The following TMPO variants were observed in gnomAD, a reference collection of about 807,000 sequenced individuals.
The protein encoded by TMPO is thymopoietin.
Under a neutral mutation model 45.4 loss-of-function variants are expected in TMPO, and 22 were observed. The ratio of observed to expected loss-of-function variants is 0.48; its 90% confidence interval spans 0.35 to 0.69. TMPO has a LOEUF of 0.69. TMPO is among the 30% of genes least tolerant of loss of function. The probability of loss-of-function intolerance (pLI) is 0.01; values close to 1 mark genes in which losing one functional copy is unlikely to be tolerated. For synonymous variants in TMPO, 241 were observed against 204.1 expected (o/e 1.18, Z -1.54); for missense variants, 512 against 548.8 (o/e 0.93, Z 0.67).
chr12:98,533,120 T>G, intron 3 of TMPO: 1 of 1,614,156 alleles, frequency 6.2e-7, no homozygotes, highest in Non-Finnish European at 8.5e-7. Flanking sequence ...GATAGGTGTT[T>G]AGAGAAAAGT....
At chr12:98,537,396 G>A (rs1477501560) in intron 3 of TMPO, 79 bp from the exon 4 acceptor site, 8 of 1,228,234 alleles carry the variant, frequency 6.5e-6, no homozygotes, top group Admixed American at 1.9e-5. Context: ...TAAAACCAGG[G>A]TTCCCGATTA....
intron 2 of TMPO, 27 bp from the exon 3 acceptor site, chr12:98,531,653 A>G (rs1380867759): frequency 5.6e-6 from 9 of 1,611,250 alleles, no homozygotes; most frequent in Admixed American, 1.7e-5. Context: ...CAATACAGGT[A>G]CTAAAGCAAG....
At chr12:98,541,280 G>C (rs1278551593) in intron 4 of TMPO, among the ~76,000 whole-genome samples, 1 of 152,172 alleles carries the variant, frequency 6.6e-6, no homozygotes. Flanking sequence ...ATGCTGACAT[G>C]TTCATTCCTA....
chr12:98,544,720 TAAAGA>T (rs1451771015), intron 6 of TMPO, 183 bp downstream of exon 6: 2 of 646,152 alleles, frequency 3.1e-6, no homozygotes, highest in African/African-American at 3.7e-5. Flanking sequence ...CCAATTTATG[TAAAGA>T]AATCTAATTC....
At position 98,544,343 on chromosome 12, in the gene TMPO, G is replaced by A. The variant is rs200238614; in HGVS notation, c.777G>A (p.Arg259=). Residue 259 remains arginine, a synonymous_variant, in exon 5 of 9, where the codon AGG becomes AGA. Coordinates refer to ENST00000556029, the MANE Select transcript of TMPO (RefSeq NM_001032283.3). ...ESTRGSRRTP[R]KRVETSEHFR... The stretch of plus-strand genomic sequence containing the variant: ...CAAGAGGGTCAAGAAGAACTCCAAG[G>A]AAAAGGGTGATGCAAGGCTTATTCC... The A allele has an allele frequency of 3.2e-5, 52 of 1,613,836 alleles. No individual in the cohort carries two copies. In the Middle Eastern group the frequency reaches 8.2e-4, roughly 26 times the overall value.
At chr12:98,526,899 A>G (rs962945274) in intron 1 of TMPO, among the ~76,000 whole-genome samples, 4 of 152,114 alleles carry the variant, frequency 2.6e-5, no homozygotes, top group African/African-American at 7.2e-5. Context: ...CGGAGGTTGC[A>G]GTGAGCCAAG....
At chr12:98,527,845 CTT>C in intron 1 of TMPO, 39 bp from the exon 2 acceptor site, 2 of 1,610,570 alleles carry the variant, frequency 1.2e-6, no homozygotes, top group Non-Finnish European at 1.7e-6. Context: ...TAAGTGAACA[CTT>C]TAATTCATAT....
chr12:98,524,621 T>G (rs929628267), intron 1 of TMPO, among the ~76,000 whole-genome samples: 1 of 150,810 alleles, frequency 6.6e-6, no homozygotes, highest in South Asian at 2.1e-4. Flanking sequence ...TGAGACAGAG[T>G]CTTGCTCTAT....
intron 4 of TMPO, chr12:98,537,828 G>T: frequency 5.4e-6 from 3 of 551,696 alleles, no homozygotes; most frequent in South Asian, 5.5e-5. Flanking sequence ...CCAGTTATAT[G>T]GTGTTTTGAA....
intron 4 of TMPO, among the ~76,000 whole-genome samples, chr12:98,542,571 A>G (rs1877976233): frequency 6.6e-6 from 1 of 151,888 alleles, no homozygotes; most frequent in Non-Finnish European, 1.5e-5. Flanking sequence ...ATTAAAAACC[A>G]CTTACTCTGG....
chr12:98,537,414 G>C, intron 3 of TMPO, 61 bp from the exon 4 acceptor site: 2 of 1,383,752 alleles, frequency 1.4e-6, no homozygotes, highest in Non-Finnish European at 2.0e-6. Context: ...TTAATATTAG[G>C]ATAACATCAT....
At chr12:98,540,836 C>T (rs537615666) in intron 4 of TMPO, among the ~76,000 whole-genome samples, 25 of 152,228 alleles carry the variant, frequency 1.6e-4, no homozygotes, top group African/African-American at 5.5e-4. Context: ...CCTGTTACAT[C>T]GTTTTAGGAG....
intron 1 of TMPO, among the ~76,000 whole-genome samples, chr12:98,521,628 A>G (rs1023574925): frequency 1.3e-5 from 2 of 152,174 alleles, no homozygotes; most frequent in Non-Finnish European, 2.9e-5. Flanking sequence ...ATAAACATTT[A>G]CAGAGTTGGC....
At chr12:98,531,871 G>GT (rs1877219325) in intron 3 of TMPO, 33 bp downstream of exon 3, 9 of 1,590,868 alleles carry the variant, frequency 5.7e-6, no homozygotes, top group Non-Finnish European at 7.7e-6. Context: ...TCAAATGTAT[G>GT]GAATTTTTTC....
At chr12:98,516,764 G>A (rs934322091) in intron 1 of TMPO, among the ~76,000 whole-genome samples, 23 of 152,288 alleles carry the variant, frequency 1.5e-4, no homozygotes, top group African/African-American at 5.5e-4. Flanking sequence ...ATTAAAAGGA[G>A]CATTTTAAAC....
In TMPO at chr12:98,533,664, C is replaced by T. The variant is rs748037231; in HGVS notation, c.565+1826C>T. 17 of 1,614,068 alleles carry T rather than the reference C, an allele frequency of 1.1e-5. No individual in the cohort carries two copies. Among genetic ancestry groups the T allele is most frequent in the African/African-American group, 5.3e-5 (4 of 74,940 alleles). On this transcript the variant is annotated intron_variant, in intron 3 of 8. Coordinates refer to ENST00000556029, the MANE Select transcript of TMPO (RefSeq NM_001032283.3). Reference sequence around the variant, plus strand: ...CCAAAACTGTTGTCTCTCATTCACTCACTACCTTAGGTCTAGAAGTGGCTA... The same window carrying T: ...CCAAAACTGTTGTCTCTCATTCACTTACTACCTTAGGTCTAGAAGTGGCTA...
intron 1 of TMPO, among the ~76,000 whole-genome samples, chr12:98,519,654 G>A (rs1194686441): frequency 2.0e-5 from 3 of 152,186 alleles, no homozygotes; most frequent in African/African-American, 7.2e-5. Flanking sequence ...CTCAAGAGGT[G>A]TTTACCCTTG....
chr12:98,528,269 GGTTTT>G (rs1398475824), intron 2 of TMPO, among the ~76,000 whole-genome samples: 6 of 120,224 alleles, frequency 5.0e-5, no homozygotes, highest in Non-Finnish European at 8.8e-5. Flanking sequence ...TTTTTTTTTT[GGTTTT>G]GTTTTGTTTT....
chr12:98,529,601 G>A (rs1253335763), intron 2 of TMPO, among the ~76,000 whole-genome samples: 1 of 150,950 alleles, frequency 6.6e-6, no homozygotes, highest in East Asian at 2.0e-4. Context: ...TCTTTGCTCT[G>A]TTGTCCACGC....
Sources: allele counts gnomAD v4.1 joint callset (sites outside exome capture counted in the v4.1 genomes callset), GRCh38; gene constraint gnomAD v4.1.1; transcripts MANE v1.5; gene names NCBI Gene and HGNC (gene_info 2026-07-23, HGNC 2026-07-21).